CEP128: variants seen among roughly 807,000 people sequenced by gnomAD.
CEP128 encodes centrosomal protein 128kDa.
Under a neutral mutation model 156.7 loss-of-function variants are expected in CEP128, and 132 were observed. That is an observed-to-expected ratio of 0.84 (90% CI 0.73 to 0.97). The LOEUF (loss-of-function observed/expected upper bound fraction) is 0.97, where lower values mean the gene tolerates loss of function less well. Ranked by LOEUF, CEP128 falls within the 50% of genes least tolerant of loss-of-function variation. The pLI is 0.00. For missense variants in CEP128, 1,252 were observed against 1,281.9 expected (o/e 0.98, Z 0.36); for synonymous variants, 469 against 448.9 (o/e 1.04, Z -0.57).
At chr14:80,581,297 C>G (rs546120431) in intron 19 of CEP128, among the ~76,000 whole-genome samples, 1 of 152,220 alleles carries the variant, frequency 6.6e-6, no homozygotes, top group South Asian at 2.1e-4. Flanking sequence ...GCCTTACTCT[C>G]TCATTGATAT....
chr14:80,493,729 C>T (rs1887401211), downstream of CEP128, among the ~76,000 whole-genome samples: 2 of 152,180 alleles, frequency 1.3e-5, no homozygotes, highest in South Asian at 4.1e-4. Context: ...TACTAGACTT[C>T]AGCGGTCAAC....
At chr14:80,802,918 A>G (rs1883962621) in intron 13 of CEP128, among the ~76,000 whole-genome samples, 1 of 152,206 alleles carries the variant, frequency 6.6e-6, no homozygotes, top group Non-Finnish European at 1.5e-5. Context: ...TCTCATCTGA[A>G]TTGAATTTCA....
At chr14:80,765,710 T>C (rs543666123) in intron 16 of CEP128, among the ~76,000 whole-genome samples, 2 of 152,238 alleles carry the variant, frequency 1.3e-5, no homozygotes, top group South Asian at 2.1e-4. Context: ...AGAAGAAAGA[T>C]ATCCTAGATA....
At chr14:80,790,302 A>T (rs1901636496) in intron 14 of CEP128, among the ~76,000 whole-genome samples, 1 of 152,164 alleles carries the variant, frequency 6.6e-6, no homozygotes, top group Non-Finnish European at 1.5e-5. Flanking sequence ...ATGAAAAAAA[A>T]TGGAAACATT....
At chr14:80,696,692 C>T (rs1896902869) in intron 19 of CEP128, among the ~76,000 whole-genome samples, 1 of 152,064 alleles carries the variant, frequency 6.6e-6, no homozygotes, top group African/African-American at 2.4e-5. Context: ...TCACTGATCT[C>T]AGTGAGAGTA....
intron 17 of CEP128, among the ~76,000 whole-genome samples, chr14:80,758,341 G>A (rs1298531184): frequency 6.6e-6 from 1 of 152,154 alleles, no homozygotes; most frequent in African/African-American, 2.4e-5. Flanking sequence ...GGCCAACATG[G>A]TGAAACTCTG....
intron 19 of CEP128, among the ~76,000 whole-genome samples, chr14:80,647,708 T>C (rs186298084): frequency 2.1e-3 from 316 of 152,176 alleles, no homozygotes; most frequent in Non-Finnish European, 3.4e-3. Flanking sequence ...TGTGGCTAAA[T>C]AGCCTACAAC....
chr14:80,828,184 T>C (rs1032368901), intron 13 of CEP128, among the ~76,000 whole-genome samples: 5 of 147,912 alleles, frequency 3.4e-5, no homozygotes, highest in African/African-American at 1.3e-4. Flanking sequence ...AGTGCAGTGG[T>C]GCGATCTCGG....
intron 23 of CEP128, among the ~76,000 whole-genome samples, chr14:80,524,502 C>T (rs1240163065): frequency 6.6e-6 from 1 of 152,156 alleles, no homozygotes; most frequent in East Asian, 1.9e-4. Flanking sequence ...ACTAACACAA[C>T]TTTCTCACTA....
At chr14:80,487,067 A>G (rs1887182081), downstream of CEP128, among the ~76,000 whole-genome samples, 1 of 152,206 alleles carries the variant, frequency 6.6e-6, no homozygotes, top group Non-Finnish European at 1.5e-5. Flanking sequence ...TCCAATTAAA[A>G]GACACAAACT....
chr14:80,652,994 G>A (rs1484351535), intron 19 of CEP128, among the ~76,000 whole-genome samples: 1 of 152,226 alleles, frequency 6.6e-6, no homozygotes, highest in Admixed American at 6.5e-5. Context: ...ATACACCATG[G>A]AATACTATGC....
chr14:80,914,275 C>T, intron 4 of CEP128, 47 bp downstream of exon 4: 7 of 1,420,626 alleles, frequency 4.9e-6, no homozygotes, highest in Non-Finnish European at 7.0e-6. Context: ...ACACTTCATT[C>T]CCAAAAAGGT....
At chr14:80,720,108 A>G (rs1359036199) in intron 19 of CEP128, among the ~76,000 whole-genome samples, 3 of 151,950 alleles carry the variant, frequency 2.0e-5, no homozygotes, top group Non-Finnish European at 2.9e-5. Context: ...GGTGGGGGCT[A>G]CAGGGTAAAC....
chr14:80,598,892 T>C (rs1215046518), intron 19 of CEP128, among the ~76,000 whole-genome samples: 1 of 152,088 alleles, frequency 6.6e-6, no homozygotes, highest in Non-Finnish European at 1.5e-5. Flanking sequence ...GGAAGAGAAG[T>C]GGATGTGGCT....
At chr14:80,898,190 T>C (rs1889437612) in intron 7 of CEP128, among the ~76,000 whole-genome samples, 1 of 152,234 alleles carries the variant, frequency 6.6e-6, no homozygotes, top group Non-Finnish European at 1.5e-5. Flanking sequence ...AATGTATGTT[T>C]TGTAATAAAT....
chr14:80,641,680 G>C (rs1422554630), intron 19 of CEP128, among the ~76,000 whole-genome samples: 1 of 151,978 alleles, frequency 6.6e-6, no homozygotes, highest in East Asian at 1.9e-4. Context: ...ATATTAAAAG[G>C]TCAAAAAAGG....
chr14:80,543,625 A>G (rs1889860265), intron 21 of CEP128, among the ~76,000 whole-genome samples: 1 of 152,176 alleles, frequency 6.6e-6, no homozygotes, highest in African/African-American at 2.4e-5. Context: ...TACAGCTGAC[A>G]ATGTTATTTG....
At chr14:80,914,969 A>G (rs182943272) in intron 3 of CEP128, among the ~76,000 whole-genome samples, 11 of 152,326 alleles carry the variant, frequency 7.2e-5, no homozygotes, top group Admixed American at 5.9e-4. Context: ...AATGTGTCTC[A>G]TTGTTGGGAA....
At chr14:80,798,826 T>G (rs1164759006) in intron 13 of CEP128, among the ~76,000 whole-genome samples, 20 of 152,214 alleles carry the variant, frequency 1.3e-4, no homozygotes, top group Admixed American at 1.3e-3. Context: ...TATAATATAG[T>G]GCAATTTTTC....
Sources: gnomAD v4.1 joint callset for allele counts (sites outside exome capture counted in the v4.1 genomes callset) on GRCh38, gnomAD v4.1.1 for gene constraint, MANE v1.5 for transcripts, NCBI Gene and HGNC (gene_info 2026-07-23, HGNC 2026-07-21) for gene names.